The following NKAIN2 variants were observed in gnomAD, a reference collection of about 807,000 sequenced individuals.
The protein encoded by NKAIN2 is sodium/potassium-transporting ATPase subunit beta-1-interacting protein 2.
Under a neutral mutation model 32.6 loss-of-function variants are expected in NKAIN2, and 14 were observed. The ratio of observed to expected loss-of-function variants is 0.43; its 90% CI spans 0.28 to 0.67. The LOEUF is 0.67. Among genes scored for constraint, NKAIN2 ranks in the 30% least tolerant of loss-of-function variants. The pLI is 0.17. For synonymous variants in NKAIN2, 80 were observed against 87.2 expected, an observed-to-expected ratio of 0.92 and a Z score of 0.46; for missense variants, 198 against 258.3, an observed-to-expected ratio of 0.77 and a Z score of 1.60.
intron 1 of NKAIN2, among the ~76,000 whole-genome samples, chr6:123,968,061 T>G (rs1203218235): frequency 6.6e-6 from 1 of 152,178 alleles, no homozygotes; most frequent in East Asian, 1.9e-4. Flanking sequence ...AGGCAGCAGG[T>G]GGAGCAGGCA....
At chr6:124,814,186 T>C (rs1781040435) in intron 5 of NKAIN2, among the ~76,000 whole-genome samples, 1 of 152,134 alleles carries the variant, frequency 6.6e-6, no homozygotes, top group Non-Finnish European at 1.5e-5. Flanking sequence ...ACCCCCATAA[T>C]CTTAACTGTA....
chr6:124,592,638 G>A (rs1293320382), intron 3 of NKAIN2, among the ~76,000 whole-genome samples: 1 of 152,142 alleles, frequency 6.6e-6, no homozygotes, highest in East Asian at 1.9e-4. Flanking sequence ...TAACTGTAGA[G>A]GCAGTGAAAG....
chr6:123,939,828 T>A (rs1415293041), intron 1 of NKAIN2, among the ~76,000 whole-genome samples: 1 of 151,842 alleles, frequency 6.6e-6, no homozygotes, highest in African/African-American at 2.4e-5. Flanking sequence ...TTATTGCAAG[T>A]GTGTGTTGTC....
chr6:123,829,788 G>A (rs1037077474), intron 1 of NKAIN2, among the ~76,000 whole-genome samples: 4 of 152,130 alleles, frequency 2.6e-5, no homozygotes, highest in Non-Finnish European at 4.4e-5. Context: ...CACATTCAAC[G>A]TAACGAAAAG....
Position 124,202,699 on chromosome 6 carries a change from C to A in NKAIN2, c.55-80306C>A, listed in dbSNP as rs116216805. 7.3e-3 allele frequency among the ~76,000 whole-genome samples: 1,107 copies of A among 151,842 alleles called. 16 individuals carry two copies. Among genetic ancestry groups the A allele is most frequent in the African/African-American group, 0.026 (1,076 of 41,446 alleles). Reference sequence around the variant, plus strand: ...GAATGGTGACAAACATGGTATCTTGCAAAATTGTTGGGACAGCTGGACACG... The same window carrying A: ...GAATGGTGACAAACATGGTATCTTGAAAAATTGTTGGGACAGCTGGACACG... On this transcript the variant is annotated intron_variant, in intron 1 of 6. Coordinates refer to ENST00000368417, the MANE Select transcript of NKAIN2 (RefSeq NM_001040214.3).
intron 3 of NKAIN2, among the ~76,000 whole-genome samples, chr6:124,376,977 G>T (rs1583153628): frequency 1.3e-5 from 2 of 152,120 alleles, no homozygotes; most frequent in Admixed American, 1.3e-4. Context: ...CTTTGGTATT[G>T]TCAGCCATGT....
At chr6:123,929,462 A>G (rs1776153853) in intron 1 of NKAIN2, among the ~76,000 whole-genome samples, 2 of 152,136 alleles carry the variant, frequency 1.3e-5, no homozygotes, top group African/African-American at 2.4e-5. Context: ...ACTCTGTTTC[A>G]TATCTTTTTT....
At chr6:123,899,105 G>A (rs910714265) in intron 1 of NKAIN2, among the ~76,000 whole-genome samples, 1 of 152,188 alleles carries the variant, frequency 6.6e-6, no homozygotes, top group Admixed American at 6.5e-5. Context: ...GAATAAATCT[G>A]TATCTGTATG....
intron 4 of NKAIN2, among the ~76,000 whole-genome samples, chr6:124,697,383 T>C (rs1774546785): frequency 6.6e-6 from 1 of 152,210 alleles, no homozygotes; most frequent in Non-Finnish European, 1.5e-5. Flanking sequence ...TTTTTTAATC[T>C]AGTGGCTCAT....
chr6:124,825,212 A>T lies in NKAIN2; in HGVS notation c.*1983A>T, dbSNP rs1781539806. 1 of 152,642 alleles carries T rather than the reference A, an allele frequency of 6.6e-6. No individual in the cohort carries two copies. The highest frequency in any genetic ancestry group is 2.1e-4 in the South Asian group (1 of 4,832). 9.5% of individuals were successfully genotyped at this position (152,642 alleles called of 1,614,324 possible). The stretch of plus-strand genomic sequence containing the variant: ...GGTTTCACTGTACATTCATGCTGTG[A>T]TGCGATTTCACCTTATAGTACATGT... On this transcript the variant is annotated 3_prime_UTR_variant, in exon 7 of 7. Transcript: ENST00000368417.
At chr6:124,758,329 A>G (rs1378037425) in intron 4 of NKAIN2, among the ~76,000 whole-genome samples, 1 of 152,080 alleles carries the variant, frequency 6.6e-6, no homozygotes, top group Admixed American at 6.6e-5. Flanking sequence ...GGAGGTGATT[A>G]AAACCCTCAT....
At chr6:124,814,277 T>C (rs1177048854) in intron 5 of NKAIN2, among the ~76,000 whole-genome samples, 2 of 152,098 alleles carry the variant, frequency 1.3e-5, no homozygotes, top group East Asian at 3.9e-4. Flanking sequence ...TGAGAAGAAG[T>C]GCACATGGAA....
intron 1 of NKAIN2, among the ~76,000 whole-genome samples, chr6:124,181,282 A>ATT (rs149368437): frequency 2.0e-5 from 3 of 151,698 alleles, no homozygotes; most frequent in Non-Finnish European, 2.9e-5. Flanking sequence ...CCAGGAAATC[A>ATT]TTTTTTTCCT....
chr6:124,233,110 C>A (rs1792547138), intron 1 of NKAIN2, among the ~76,000 whole-genome samples: 3 of 151,872 alleles, frequency 2.0e-5, no homozygotes. Context: ...TATGAGCTAC[C>A]ATCATATTAC....
chr6:124,754,905 G>A (rs1458950257), intron 4 of NKAIN2, among the ~76,000 whole-genome samples: 1 of 152,152 alleles, frequency 6.6e-6, no homozygotes, highest in Non-Finnish European at 1.5e-5. Context: ...CAATGATAGA[G>A]TGGAGAAAGA....
chr6:124,164,861 T>C (rs947567131), intron 1 of NKAIN2, among the ~76,000 whole-genome samples: 4 of 152,214 alleles, frequency 2.6e-5, no homozygotes, highest in Admixed American at 2.6e-4. Context: ...GTGCATCTTA[T>C]GTGCTTCACA....
intron 3 of NKAIN2, among the ~76,000 whole-genome samples, chr6:124,489,445 AC>A (rs937207518): frequency 2.6e-5 from 4 of 151,910 alleles, no homozygotes. Context: ...CATGGTAGTT[AC>A]ATCACAATAA....
chr6:124,548,649 T>C (rs974576577), intron 3 of NKAIN2, among the ~76,000 whole-genome samples: 1 of 152,132 alleles, frequency 6.6e-6, no homozygotes, highest in Non-Finnish European at 1.5e-5. Flanking sequence ...TAGTGGATAA[T>C]TAAATGGAGA....
chr6:124,614,924 T>A (rs1411508949), intron 3 of NKAIN2, among the ~76,000 whole-genome samples: 2 of 152,262 alleles, frequency 1.3e-5, no homozygotes, highest in Admixed American at 6.5e-5. Context: ...TTTCCCTTTT[T>A]ACAAAGCACC....
Sources: allele counts gnomAD v4.1 joint callset (sites outside exome capture counted in the v4.1 genomes callset), GRCh38; gene constraint gnomAD v4.1.1; transcripts MANE v1.5; gene names NCBI Gene and HGNC (gene_info 2026-07-23, HGNC 2026-07-21).